The following DIAPH2 variants were observed in gnomAD, a reference collection of about 807,000 sequenced individuals.
DIAPH2 encodes the protein protein diaphanous homolog 2.
In DIAPH2, 35 loss-of-function variants were observed where a neutral mutation model predicts 92.7. The observed-to-expected ratio is 0.38, with a 90% CI of 0.29 to 0.50. The LOEUF (loss-of-function observed/expected upper bound fraction) is 0.50, where lower values mean the gene tolerates loss of function less well. DIAPH2 is among the 20% of genes least tolerant of loss of function. The pLI is 0.94. For synonymous variants in DIAPH2, 301 were observed against 280.4 expected (o/e 1.07, Z -0.73); for missense variants, 701 against 819.5 (o/e 0.86, Z 1.77).
intron 4 of DIAPH2, among the ~76,000 whole-genome samples, chrX:96,841,681 C>T (rs1385545346): frequency 8.9e-6 from 1 of 112,031 alleles, no homozygotes; most frequent in Non-Finnish European, 1.9e-5. Flanking sequence ...ACCCATTCCC[C>T]ACTAACCAGA....
At chrX:97,279,687 T>C (rs902595640) in intron 23 of DIAPH2, among the ~76,000 whole-genome samples, 1 of 111,993 alleles carries the variant, frequency 8.9e-6, no homozygotes, top group Non-Finnish European at 1.9e-5. Flanking sequence ...GTAAAACTTT[T>C]CACCACTGAT....
At chrX:96,967,683 CT>C (rs1293110073) in intron 17 of DIAPH2, among the ~76,000 whole-genome samples, 1 of 110,891 alleles carries the variant, frequency 9.0e-6, no homozygotes, top group East Asian at 2.8e-4. Flanking sequence ...TCCCAAAGTG[CT>C]AGGATTACAG....
chrX:96,908,316 C>A (rs763594541), intron 5 of DIAPH2, among the ~76,000 whole-genome samples: 9 of 110,621 alleles, frequency 8.1e-5, no homozygotes, highest in Non-Finnish European at 1.7e-4. Flanking sequence ...AGTAATTTTC[C>A]TCCGTTTTTC....
At chrX:97,461,056 G>A (rs767613529) in intron 26 of DIAPH2, among the ~76,000 whole-genome samples, 2 of 111,839 alleles carry the variant, frequency 1.8e-5, no homozygotes, top group South Asian at 7.5e-4. Context: ...GCATCTAGCT[G>A]CACCAGAAAG....
intron 26 of DIAPH2, among the ~76,000 whole-genome samples, chrX:97,476,787 A>C (rs1034350856): frequency 9.7e-6 from 1 of 103,418 alleles, no homozygotes; most frequent in African/African-American, 3.5e-5. Flanking sequence ...ACTTAAAAAA[A>C]TACAAAATTA....
intron 16 of DIAPH2, among the ~76,000 whole-genome samples, chrX:96,958,784 A>G (rs1466260620): frequency 3.6e-5 from 4 of 111,441 alleles, no homozygotes; most frequent in African/African-American, 6.5e-5. Flanking sequence ...CTCTACCTTC[A>G]TGATACTCAC....
intron 22 of DIAPH2, among the ~76,000 whole-genome samples, chrX:97,196,478 A>C (rs930489747): frequency 5.4e-5 from 6 of 111,945 alleles, no homozygotes; most frequent in African/African-American, 1.9e-4. Flanking sequence ...AATCCACAAA[A>C]CTAATAACGG....
chrX:97,037,413 T>C (rs2066418490), intron 17 of DIAPH2, among the ~76,000 whole-genome samples: 1 of 111,763 alleles, frequency 8.9e-6, no homozygotes, highest in Non-Finnish European at 1.9e-5. Context: ...AAATAGGGTC[T>C]CTTTCCTTCC....
intron 26 of DIAPH2, among the ~76,000 whole-genome samples, chrX:97,588,222 G>A (rs888898535): frequency 8.9e-6 from 1 of 112,229 alleles, no homozygotes; most frequent in South Asian, 3.7e-4. Flanking sequence ...ATGCATAAAC[G>A]CAAAGTGGGC....
chrX:97,296,904 A>G (rs544347415), intron 23 of DIAPH2, among the ~76,000 whole-genome samples: 5 of 108,966 alleles, frequency 4.6e-5, no homozygotes, highest in African/African-American at 1.0e-4. Context: ...CAGGCTCCCA[A>G]GTAGCTGGGA....
chrX:96,827,258 C>A (rs1427421646), intron 4 of DIAPH2, among the ~76,000 whole-genome samples: 2 of 111,907 alleles, frequency 1.8e-5, no homozygotes, highest in African/African-American at 6.5e-5. Context: ...CTGATATTAT[C>A]TGTTATCTAT....
At chrX:96,752,230 A>T (rs888794345) in intron 3 of DIAPH2, among the ~76,000 whole-genome samples, 9 of 111,911 alleles carry the variant, frequency 8.0e-5, no homozygotes, top group Non-Finnish European at 1.5e-4. Flanking sequence ...TCTATAGAAT[A>T]AAATGAGTCA....
chrX:96,793,591 C>T, intron 4 of DIAPH2: 1 of 374,070 alleles, frequency 2.7e-6, no homozygotes, highest in Non-Finnish European at 5.2e-6. Flanking sequence ...CTTTTCCTGG[C>T]TTTCAGACTG....
intron 22 of DIAPH2, among the ~76,000 whole-genome samples, chrX:97,165,311 A>G (rs2067403657): frequency 9.0e-6 from 1 of 111,704 alleles, no homozygotes; most frequent in Non-Finnish European, 1.9e-5. Context: ...TAAGAGGTTG[A>G]AGTATTTTCT....
In DIAPH2 at chrX:96,885,112, C is replaced by T. The variant is rs1306575495; in HGVS notation, c.587+3394C>T. On this transcript the variant is annotated intron_variant, in intron 5 of 26. Coordinates refer to ENST00000324765, the MANE Select transcript of DIAPH2 (RefSeq NM_006729.5). ...TGCTGATTGAGGCAGGGAAAACATCCTTTCATTTTTCGAAGACCCTTGCAT... is the reference window on the plus strand; with the variant it reads ...TGCTGATTGAGGCAGGGAAAACATCTTTTCATTTTTCGAAGACCCTTGCAT... 4 of 1,185,396 alleles carry T rather than the reference C, an allele frequency of 3.4e-6. No homozygotes were observed. In the African/African-American group the frequency reaches 5.3e-5, roughly 16 times the overall value.
intron 25 of DIAPH2, among the ~76,000 whole-genome samples, chrX:97,395,460 G>A (rs1421122666): frequency 8.9e-6 from 1 of 111,845 alleles, no homozygotes; most frequent in Non-Finnish European, 1.9e-5. Context: ...TTAGGATTTC[G>A]TTATTGTCTC....
intron 23 of DIAPH2, among the ~76,000 whole-genome samples, chrX:97,340,187 G>A (rs181697419): frequency 3.6e-5 from 4 of 111,571 alleles, no homozygotes; most frequent in East Asian, 2.8e-4. Context: ...GCTGCTGATC[G>A]TACCAGTGCC....
At chrX:97,128,151 C>T (rs997919699) in intron 21 of DIAPH2, among the ~76,000 whole-genome samples, 2 of 111,823 alleles carry the variant, frequency 1.8e-5, no homozygotes, top group African/African-American at 6.5e-5. Context: ...GACAGAACAG[C>T]CCTGAGGGCT....
At chrX:97,486,207 A>G (rs939988833) in intron 26 of DIAPH2, among the ~76,000 whole-genome samples, 2 of 111,643 alleles carry the variant, frequency 1.8e-5, no homozygotes, top group Non-Finnish European at 3.8e-5. Flanking sequence ...GCAATGTTAT[A>G]TACTCCATAA....
Sources: allele counts gnomAD v4.1 joint callset (sites outside exome capture counted in the v4.1 genomes callset), GRCh38; gene constraint gnomAD v4.1.1; transcripts MANE v1.5; gene names NCBI Gene and HGNC (gene_info 2026-07-23, HGNC 2026-07-21).